Variants in CREB5 observed in about 807,000 individuals in gnomAD.
CREB5 encodes the protein cAMP responsive element binding protein 5.
In CREB5, 19 loss-of-function variants were observed where a neutral mutation model predicts 57.1. The ratio of observed to expected loss-of-function variants is 0.33; its 90% CI spans 0.23 to 0.49. The LOEUF is 0.49. CREB5 is among the 20% of genes least tolerant of loss of function. CREB5 has a pLI of 0.99. For missense variants in CREB5, 579 were observed against 671.6 expected, an observed-to-expected ratio of 0.86 and a Z score of 1.52; for synonymous variants, 238 against 238.3, an observed-to-expected ratio of 1.00 and a Z score of 0.01.
rs369016059 is a variant in CREB5, at chr7:28,628,653, G to A, written c.464+58116G>A. Among the ~76,000 whole-genome samples, 9 of 152,234 alleles carry A rather than the reference G, an allele frequency of 5.9e-5. No homozygotes were observed. In the East Asian group the frequency reaches 1.7e-3, roughly 29 times the overall value. On this transcript the variant is annotated intron_variant, in intron 5 of 10. Transcript: ENST00000357727. ...GATGAGGGGACATGCTGGCCAAGGGGTGGGCTCTTAGGGTCCAACAGCAGC... is the reference window on the plus strand; with the variant it reads ...GATGAGGGGACATGCTGGCCAAGGGATGGGCTCTTAGGGTCCAACAGCAGC...
At chr7:28,420,321 A>G (rs963017985) in intron 1 of CREB5, among the ~76,000 whole-genome samples, 2 of 152,218 alleles carry the variant, frequency 1.3e-5, no homozygotes, top group African/African-American at 4.8e-5. Flanking sequence ...GGAAGGCTTA[A>G]GAGTAAATCA....
chr7:28,800,849 G>C (rs1318723278), intron 7 of CREB5, among the ~76,000 whole-genome samples: 1 of 152,132 alleles, frequency 6.6e-6, no homozygotes, highest in African/African-American at 2.4e-5. Flanking sequence ...TTTGATGATG[G>C]GGAGGTGGCA....
intron 1 of CREB5, among the ~76,000 whole-genome samples, chr7:28,416,350 A>G (rs1482830383): frequency 6.6e-6 from 1 of 152,324 alleles, no homozygotes; most frequent in South Asian, 2.1e-4. Flanking sequence ...AACAACAACA[A>G]CAAAATTTTT....
At chr7:28,773,132 T>C (rs1295713970) in intron 7 of CREB5, among the ~76,000 whole-genome samples, 2 of 152,164 alleles carry the variant, frequency 1.3e-5, no homozygotes, top group African/African-American at 4.8e-5. Context: ...TTTTTTAAAA[T>C]TAATACTTTC....
At chr7:28,599,088 A>G (rs1225985321) in intron 5 of CREB5, among the ~76,000 whole-genome samples, 1 of 152,156 alleles carries the variant, frequency 6.6e-6, no homozygotes, top group Non-Finnish European at 1.5e-5. Flanking sequence ...ATTACATGAG[A>G]TTAAAAACAC....
chr7:28,648,744 G>GA (rs949485612), intron 5 of CREB5, among the ~76,000 whole-genome samples: 7 of 149,108 alleles, frequency 4.7e-5, no homozygotes, highest in African/African-American at 1.2e-4. Context: ...CCTGTCTAAA[G>GA]AAAAAAAAAT....
chr7:28,668,420 T>G (rs1010722738), intron 5 of CREB5, among the ~76,000 whole-genome samples: 7 of 152,230 alleles, frequency 4.6e-5, no homozygotes, highest in African/African-American at 1.4e-4. Flanking sequence ...TAGTAATTAC[T>G]TTTATTATAT....
rs192436892 is a variant in CREB5, at chr7:28,337,429, T to C, written c.-25+37988T>C. ...TGTTATATCCTATTGCTGAATTGAC[T>C]CCTTTATCATTATATAATGACTTTC... On this transcript the variant is annotated intron_variant, in intron 1 of 9. Coordinates refer to the CREB5 transcript ENST00000396299. Among the ~76,000 whole-genome samples, 1,244 of 152,158 alleles carry C rather than the reference T, an allele frequency of 8.2e-3. 13 individuals are homozygous for C. Among genetic ancestry groups the C allele is most frequent in the Non-Finnish European group, 0.013 (874 of 67,876 alleles).
At chr7:28,435,522 G>T (rs73073988) in intron 1 of CREB5, 5 of 502,770 alleles carry the variant, frequency 9.9e-6, no homozygotes, top group African/African-American at 8.5e-5. Context: ...ATGAATGAGG[G>T]CCATATAACC....
chr7:28,559,130 G>A (rs1794981333), intron 4 of CREB5, among the ~76,000 whole-genome samples: 1 of 152,120 alleles, frequency 6.6e-6, no homozygotes, highest in African/African-American at 2.4e-5. Context: ...TTCCTCACTT[G>A]TTTCTAGTCA....
chr7:28,479,283 T>C (rs1385207922), intron 1 of CREB5, among the ~76,000 whole-genome samples: 1 of 152,214 alleles, frequency 6.6e-6, no homozygotes, highest in Admixed American at 6.5e-5. Context: ...TTCTGTGCAT[T>C]GCAGAATATC....
intron 1 of CREB5, among the ~76,000 whole-genome samples, chr7:28,455,715 C>A (rs1277363252): frequency 6.6e-6 from 1 of 152,014 alleles, no homozygotes; most frequent in Non-Finnish European, 1.5e-5. Context: ...GTGGGTGAAA[C>A]ACTGCAAAGC....
chr7:28,540,958 C>T (rs779901573), intron 4 of CREB5, among the ~76,000 whole-genome samples: 1 of 152,168 alleles, frequency 6.6e-6, no homozygotes, highest in Non-Finnish European at 1.5e-5. Context: ...CCACTGATAC[C>T]CACGCCACCT....
intron 4 of CREB5, among the ~76,000 whole-genome samples, chr7:28,559,250 G>T (rs1453894503): frequency 6.6e-6 from 1 of 152,206 alleles, no homozygotes; most frequent in Non-Finnish European, 1.5e-5. Context: ...CTGTTAAGCT[G>T]CTTGCTGGCC....
intron 4 of CREB5, among the ~76,000 whole-genome samples, chr7:28,551,163 T>G (rs557342901): frequency 2.9e-4 from 25 of 85,734 alleles, no homozygotes; most frequent in Middle Eastern, 5.3e-3. Flanking sequence ...ATTATATTCT[T>G]GGGATAGGAA....
chr7:28,817,896 G>A (rs1809531504), intron 9 of CREB5, among the ~76,000 whole-genome samples, 175 bp from the exon 10 acceptor site: 1 of 152,144 alleles, frequency 6.6e-6, no homozygotes, highest in Non-Finnish European at 1.5e-5. Context: ...TGGGAAATGT[G>A]AGGGCCAAAT....
intron 5 of CREB5, among the ~76,000 whole-genome samples, chr7:28,679,631 A>G (rs1276486077): frequency 1.3e-5 from 2 of 152,188 alleles, no homozygotes; most frequent in Admixed American, 6.5e-5. Context: ...TCCCTTGGAA[A>G]ATCTTCCTGG....
At chr7:28,717,853 C>T (rs925474312) in intron 5 of CREB5, among the ~76,000 whole-genome samples, 2 of 152,088 alleles carry the variant, frequency 1.3e-5, no homozygotes, top group Non-Finnish European at 2.9e-5. Flanking sequence ...TATACAGCTC[C>T]CCAGAGCAAA....
intron 1 of CREB5, among the ~76,000 whole-genome samples, chr7:28,447,018 C>T (rs1339736142): frequency 1.3e-5 from 2 of 152,128 alleles, no homozygotes; most frequent in East Asian, 3.9e-4. Context: ...CTGGACTCTG[C>T]ACCTTGCTAG....
Sources: gnomAD v4.1 joint callset for allele counts (sites outside exome capture counted in the v4.1 genomes callset) on GRCh38, gnomAD v4.1.1 for gene constraint, MANE v1.5 for transcripts, NCBI Gene and HGNC (gene_info 2026-07-23, HGNC 2026-07-21) for gene names.